Variants in IQGAP2 observed in about 807,000 individuals in gnomAD.
IQGAP2 encodes the protein IQ motif containing GTPase activating protein 2.
A neutral mutation model predicts 201.3 loss-of-function variants in IQGAP2; 173 were observed. The ratio of observed to expected loss-of-function variants is 0.86; its 90% CI spans 0.76 to 0.98. The LOEUF is 0.98. IQGAP2 is among the 50% of genes least tolerant of loss of function. IQGAP2 has a pLI of 0.00. For synonymous variants in IQGAP2, 675 were observed against 673.9 expected, an observed-to-expected ratio of 1.00 and a Z score of -0.03; for missense variants, 1,687 against 1,864.8, an observed-to-expected ratio of 0.90 and a Z score of 1.76.
At chr5:76,534,886 A>G (rs1270715175) in intron 2 of IQGAP2, among the ~76,000 whole-genome samples, 1 of 152,266 alleles carries the variant, frequency 6.6e-6, no homozygotes, top group Non-Finnish European at 1.5e-5. Context: ...TTAAGAAATT[A>G]AAACCAATAA....
chr5:76,631,176 G>A (rs1046557678), intron 14 of IQGAP2, among the ~76,000 whole-genome samples: 3 of 152,016 alleles, frequency 2.0e-5, no homozygotes, highest in East Asian at 1.9e-4. Context: ...TAGTCCTATC[G>A]ATTGGACATT....
At chr5:76,489,029 C>T (rs765731736) in intron 2 of IQGAP2, among the ~76,000 whole-genome samples, 1 of 152,166 alleles carries the variant, frequency 6.6e-6, no homozygotes, top group African/African-American at 2.4e-5. Context: ...AAGGCTGACC[C>T]CAGATGTAAA....
At chr5:76,431,692 G>A (rs1013630958) in intron 1 of IQGAP2, among the ~76,000 whole-genome samples, 3 of 151,958 alleles carry the variant, frequency 2.0e-5, no homozygotes, top group South Asian at 2.1e-4. Context: ...GCGTGGTAGC[G>A]CTTGCCTGTA....
intron 2 of IQGAP2, among the ~76,000 whole-genome samples, chr5:76,501,288 G>A (rs1289937743): frequency 6.6e-6 from 1 of 152,110 alleles, no homozygotes; most frequent in Non-Finnish European, 1.5e-5. Flanking sequence ...TCTTGACCAG[G>A]TTCAGTGACT....
intron 16 of IQGAP2, among the ~76,000 whole-genome samples, chr5:76,638,304 A>C (rs1429924955): frequency 6.6e-6 from 1 of 152,164 alleles, no homozygotes. Context: ...GCTTGAACCC[A>C]GGAAATGGAG....
chr5:76,501,185 A>G (rs1184818761), intron 2 of IQGAP2, among the ~76,000 whole-genome samples: 1 of 152,228 alleles, frequency 6.6e-6, no homozygotes, highest in Non-Finnish European at 1.5e-5. Context: ...AGAATAACAC[A>G]TGACTAAGTT....
chr5:76,531,194 A>G (rs1759268567), intron 2 of IQGAP2, among the ~76,000 whole-genome samples: 1 of 152,186 alleles, frequency 6.6e-6, no homozygotes, highest in Non-Finnish European at 1.5e-5. Context: ...CTGGAGGAGA[A>G]CACCATGTCC....
chr5:76,518,779 A>G (rs1758492306), intron 2 of IQGAP2, among the ~76,000 whole-genome samples: 1 of 152,180 alleles, frequency 6.6e-6, no homozygotes, highest in Admixed American at 6.5e-5. Context: ...CCTAGTTTTC[A>G]GGAGAAAAAT....
Position 76,588,924 on chromosome 5 carries a change from A to T in IQGAP2, c.477A>T (p.Leu159=), listed in dbSNP as rs1375919320. ...IHALSLYLFK[L]GIAPQIQDLL... ...CTTTCAGTTTGTATCTGTTCAAACT[A>T]GGAATAGCACCCCAGATCCAGGATT... The change falls in exon 6 of 36, where the codon CTA becomes CTT. Residue 159 remains leucine (L), a synonymous_variant. Transcript: ENST00000274364. 3 of 1,606,824 alleles carry T rather than the reference A, an allele frequency of 1.9e-6. No homozygotes were observed. The Admixed American group carries it at 5.0e-5, about 27-fold the overall frequency.
chr5:76,623,491 C>T (rs536418268), intron 13 of IQGAP2: 97 of 472,632 alleles, frequency 2.1e-4, no homozygotes, highest in Non-Finnish European at 3.1e-4. Flanking sequence ...GCATTTAACT[C>T]TTACCCACCC....
chr5:76,613,022 T>G (rs548852288), intron 13 of IQGAP2, among the ~76,000 whole-genome samples: 3 of 152,344 alleles, frequency 2.0e-5, no homozygotes, highest in Admixed American at 6.5e-5. Flanking sequence ...CCCTCTGCAC[T>G]GCCAGCCTTC....
At chr5:76,527,783 C>T (rs1759055977) in intron 2 of IQGAP2, among the ~76,000 whole-genome samples, 1 of 152,280 alleles carries the variant, frequency 6.6e-6, no homozygotes, top group Middle Eastern at 3.4e-3. Flanking sequence ...CTGCATTTAC[C>T]AGATCTCATG....
chr5:76,434,051 G>A (rs1439564827), intron 1 of IQGAP2, among the ~76,000 whole-genome samples: 1 of 152,074 alleles, frequency 6.6e-6, no homozygotes, highest in Non-Finnish European at 1.5e-5. Flanking sequence ...CATATTATAA[G>A]CCAGGAAGGA....
At chr5:76,418,710 G>A (rs987739970) in intron 1 of IQGAP2, among the ~76,000 whole-genome samples, 1 of 152,122 alleles carries the variant, frequency 6.6e-6, no homozygotes, top group Non-Finnish European at 1.5e-5. Context: ...GGGGACATCT[G>A]TATTTTTAAC....
intron 12 of IQGAP2, 81 bp downstream of exon 12, chr5:76,606,384 TAA>T: frequency 1.5e-6 from 2 of 1,307,428 alleles, no homozygotes; most frequent in Non-Finnish European, 2.1e-6. Flanking sequence ...ATTAGGGCTT[TAA>T]GTTTTTGCTC....
intron 2 of IQGAP2, among the ~76,000 whole-genome samples, chr5:76,471,370 A>AC (rs200999127): frequency 0.04 from 4,535 of 113,694 alleles, 262 homozygotes; most frequent in African/African-American, 0.13. Context: ...TAAGCAAAAA[A>AC]AAAAAAAAAA....
At chr5:76,550,900 G>A (rs1344943412) in intron 2 of IQGAP2, among the ~76,000 whole-genome samples, 1 of 152,112 alleles carries the variant, frequency 6.6e-6, no homozygotes. Flanking sequence ...GCCGGGCAGA[G>A]GGGCTCCTCA....
At chr5:76,607,649 G>C (rs555629566) in intron 12 of IQGAP2, 2 of 152,340 alleles carry the variant, frequency 1.3e-5, no homozygotes, top group Admixed American at 1.3e-4. Context: ...CGTTAGTCAA[G>C]ACGCAAGCTC....
intron 33 of IQGAP2, 152 bp from the exon 34 acceptor site, chr5:76,700,924 A>C: frequency 1.4e-6 from 1 of 710,476 alleles, no homozygotes; most frequent in Non-Finnish European, 2.3e-6. Context: ...CTATGGACAA[A>C]ATTACCTACT....
Sources: gnomAD v4.1 joint callset for allele counts (sites outside exome capture counted in the v4.1 genomes callset) on GRCh38, gnomAD v4.1.1 for gene constraint, MANE v1.5 for transcripts, NCBI Gene and HGNC (gene_info 2026-07-23, HGNC 2026-07-21) for gene names.